FOXK1: variants seen among roughly 807,000 people sequenced by gnomAD.
The protein encoded by FOXK1 is forkhead box K1.
A neutral mutation model predicts 51.9 loss-of-function variants in FOXK1; 19 were observed. The ratio of observed to expected loss-of-function variants is 0.37; its 90% CI spans 0.26 to 0.54. FOXK1 has a LOEUF of 0.54. FOXK1 is among the 20% of genes least tolerant of loss of function. The pLI, the probability that FOXK1 is intolerant of heterozygous loss-of-function variation, is 0.87. For missense variants in FOXK1, 870 were observed against 1,032.7 expected (o/e 0.84, Z 2.16); for synonymous variants, 537 against 482.6 (o/e 1.11, Z -1.48).
At chr7:4,727,966 G>C (rs1780401950) in intron 1 of FOXK1, among the ~76,000 whole-genome samples, 1 of 152,196 alleles carries the variant, frequency 6.6e-6, no homozygotes, top group African/African-American at 2.4e-5. Context: ...TTGCCGATTG[G>C]ACTGGCATTG....
At chr7:4,691,710 G>A (rs977989115) in intron 1 of FOXK1, among the ~76,000 whole-genome samples, 16 of 152,240 alleles carry the variant, frequency 1.1e-4, no homozygotes, top group African/African-American at 3.6e-4. Flanking sequence ...GCTGGGAAAG[G>A]GGTGAACTGT....
rs1163747411 is a variant in FOXK1, at chr7:4,755,278, G to A, written c.945G>A (p.Val315=). 6 of 1,613,956 alleles carry A rather than the reference G, an allele frequency of 3.7e-6. No homozygotes were observed. Among genetic ancestry groups the A allele is most frequent in the Admixed American group, 1.7e-5 (1 of 59,994 alleles). The change falls in exon 4 of 9, where the codon GTG becomes GTA. Residue 315 remains valine (V), a synonymous_variant. Coordinates refer to ENST00000328914, the MANE Select transcript of FOXK1 (RefSeq NM_001037165.2). The surrounding 1 kb of genome is among the most constrained non-coding windows in gnomAD (Gnocchi z 6.6). The part of the protein sequence containing the change: ...KPPFSYAQLI[V]QAISSAQDRQ... ...CGTTCTCCTACGCGCAGCTGATCGT[G>A]CAGGCCATCTCCTCCGCCCAGGACC... is the stretch of plus-strand genomic sequence containing the variant.
chr7:4,762,243 G>T lies in FOXK1; in HGVS notation c.1981G>T (p.Val661Phe). ...AGCGAGTTCATCCGCGCCGGTGGTG[G>T]TCACCCGGGTGTGCGAGGTGGGGCC... The part of the protein sequence containing the change: ...TQASSSAPVV[V>F]TRVCEVGPKE... Residue 661 changes from valine (V) to phenylalanine (F), a missense_variant, in exon 9 of 9, where the codon GTC (valine) becomes TTC (phenylalanine). By Grantham distance (50) the Val-to-Phe change is conservative. Around this residue, in one of 3 missense-constraint regions of FOXK1, gnomAD observed 457 missense variants for 510.8 expected, o/e 0.89. Coordinates refer to ENST00000328914, the MANE Select transcript of FOXK1 (RefSeq NM_001037165.2). The surrounding 1 kb of genome is among the most constrained non-coding windows in gnomAD (Gnocchi z 5.7). 5.8e-6 allele frequency: 9 copies of T among 1,552,936 alleles called. No individual in the cohort carries two copies. Among genetic ancestry groups the T allele is most frequent in the Non-Finnish European group, 7.8e-6 (9 of 1,147,756 alleles).
At chr7:4,701,663 C>T (rs1306552503) in intron 1 of FOXK1, among the ~76,000 whole-genome samples, 2 of 152,116 alleles carry the variant, frequency 1.3e-5, no homozygotes, top group Non-Finnish European at 1.5e-5. Flanking sequence ...GAGGTCGAGG[C>T]GGGCGGATTA....
At chr7:4,699,376 G>GTTTTT (rs367704367) in intron 1 of FOXK1, among the ~76,000 whole-genome samples, 1 of 136,176 alleles carries the variant, frequency 7.3e-6, no homozygotes, top group Non-Finnish European at 1.6e-5. Context: ...ACAGGGTTAG[G>GTTTTT]TTTTTTTTTT....
chr7:4,725,525 G>A (rs771516409), intron 1 of FOXK1, among the ~76,000 whole-genome samples: 4 of 152,262 alleles, frequency 2.6e-5, no homozygotes, highest in Admixed American at 1.3e-4. Flanking sequence ...TCGCTCCGCA[G>A]GAGTGAGAAG....
intron 1 of FOXK1, among the ~76,000 whole-genome samples, chr7:4,690,984 A>G (rs1028901527): frequency 2.0e-5 from 3 of 152,226 alleles, no homozygotes; most frequent in African/African-American, 7.2e-5. Flanking sequence ...AGGCCCCTGC[A>G]TCGTGACTTG....
intron 7 of FOXK1, among the ~76,000 whole-genome samples, chr7:4,760,192 G>A (rs1780913120): frequency 6.6e-6 from 1 of 152,220 alleles, no homozygotes; most frequent in African/African-American, 2.4e-5. Flanking sequence ...GAGAAAGAAT[G>A]AGCCTGGGAA....
At chr7:4,692,047 C>G (rs948697312) in intron 1 of FOXK1, among the ~76,000 whole-genome samples, 9 of 152,072 alleles carry the variant, frequency 5.9e-5, no homozygotes, top group African/African-American at 9.7e-5. Flanking sequence ...TTGACACTGA[C>G]CGTATTAGAA....
At chr7:4,696,164 T>C (rs1474192575) in intron 1 of FOXK1, among the ~76,000 whole-genome samples, 2 of 149,742 alleles carry the variant, frequency 1.3e-5, no homozygotes, top group African/African-American at 4.9e-5. Flanking sequence ...ACCCCTGACA[T>C]ACATTAGGAG....
Position 4,712,992 on chromosome 7 carries a change from C to T in FOXK1, c.561-27846C>T, listed in dbSNP as rs534368839. Among the ~76,000 whole-genome samples the T allele has an allele frequency of 2.1e-4, 32 of 152,238 alleles. 1 individual carries two copies. Among genetic ancestry groups the T allele is most frequent in the African/African-American group, 6.5e-4 (27 of 41,538 alleles). ...ATTTTTAAAATACATTAAAGAGGGG[C>T]GATAATGACCAGTGCCAGCAAAGGG... On this transcript the variant is annotated intron_variant, in intron 1 of 8. Coordinates refer to ENST00000328914, the MANE Select transcript of FOXK1 (RefSeq NM_001037165.2).
rs936147185 is a variant in FOXK1, at chr7:4,709,341, G to T, written c.560+26473G>T. Among the ~76,000 whole-genome samples, 1 of 152,206 alleles carries T rather than the reference G, an allele frequency of 6.6e-6. No homozygotes were observed. The highest frequency in any genetic ancestry group is 1.5e-5 in the Non-Finnish European group (1 of 68,042). On this transcript the variant is annotated intron_variant, in intron 1 of 8. Transcript: ENST00000328914. This position sits in a 1 kb window ranked among gnomAD's most constrained non-coding sequence, Gnocchi z 5.6. ...GGCCGCCTACTGTGCCTCCTTCCCA[G>T]TGTCACGTTGCTGCGTCCACGAGCC...
chr7:4,720,277 G>GT (rs1780292153), intron 1 of FOXK1, among the ~76,000 whole-genome samples: 1 of 151,802 alleles, frequency 6.6e-6, no homozygotes, highest in Non-Finnish European at 1.5e-5. Flanking sequence ...TTCTTTGAGG[G>GT]TTTTTTGCCT....
At position 4,753,265 on chromosome 7, in the gene FOXK1, G is replaced by T. The variant is rs1036271847; in HGVS notation, c.747-1194G>T. Among the ~76,000 whole-genome samples the T allele has an allele frequency of 6.6e-6, 1 of 152,110 alleles. No individual in the cohort carries two copies. The highest frequency in any genetic ancestry group is 1.5e-5 in the Non-Finnish European group (1 of 68,034). Reference sequence around the variant, plus strand: ...GCTCCATCCAAAAAATGTTTCTTGAGCCCCGCCTGCACCCAAGGGGGCTCC... The same window carrying T: ...GCTCCATCCAAAAAATGTTTCTTGATCCCCGCCTGCACCCAAGGGGGCTCC... On this transcript the variant is annotated intron_variant, in intron 2 of 8. Coordinates refer to ENST00000328914, the MANE Select transcript of FOXK1 (RefSeq NM_001037165.2). This position sits in a 1 kb window ranked among gnomAD's most constrained non-coding sequence, Gnocchi z 4.9.
At chr7:4,708,105 C>A (rs1367478377) in intron 1 of FOXK1, among the ~76,000 whole-genome samples, 2 of 152,088 alleles carry the variant, frequency 1.3e-5, no homozygotes, top group Non-Finnish European at 2.9e-5. Context: ...CTTTTCCCAG[C>A]CTGGAACCCG....
At position 4,707,844 on chromosome 7, in the gene FOXK1, C is replaced by T. The variant is rs1182288490; in HGVS notation, c.560+24976C>T. ...GGATGATAGGGCCCGCCACCGTGTC[C>T]GGCTAATTTTTGTATTTTTAGTAGA... On this transcript the variant is annotated intron_variant, in intron 1 of 8. Coordinates refer to ENST00000328914, the MANE Select transcript of FOXK1 (RefSeq NM_001037165.2). The surrounding 1 kb of genome is among the most constrained non-coding windows in gnomAD (Gnocchi z 4.1). Among the ~76,000 whole-genome samples the T allele has an allele frequency of 2.0e-5, 3 of 151,976 alleles. No individual in the cohort carries two copies. Among genetic ancestry groups the T allele is most frequent in the South Asian group, 4.1e-4 (2 of 4,820 alleles).
chr7:4,751,363 G>A (rs905223171), intron 2 of FOXK1, among the ~76,000 whole-genome samples: 1 of 152,018 alleles, frequency 6.6e-6, no homozygotes, highest in African/African-American at 2.4e-5. Flanking sequence ...TCTTTAGATT[G>A]CTAAGGGAAT....
At chr7:4,686,936 TC>T (rs68141910) in intron 1 of FOXK1, among the ~76,000 whole-genome samples, 15,246 of 147,758 alleles carry the variant, frequency 0.1, 1,591 homozygotes, top group African/African-American at 0.25. Flanking sequence ...TTTTTTCTTT[TC>T]TTTTTTTTTT....
At chr7:4,754,099 G>A (rs1427428154) in intron 2 of FOXK1, among the ~76,000 whole-genome samples, 2 of 152,168 alleles carry the variant, frequency 1.3e-5, no homozygotes, top group East Asian at 1.9e-4. Flanking sequence ...AGCAGCCCGC[G>A]GAGGCTACCT....
Sources: allele counts gnomAD v4.1 joint callset (sites outside exome capture counted in the v4.1 genomes callset), GRCh38; gene constraint gnomAD v4.1.1; regional missense constraint gnomAD v4.1.1; non-coding constraint Gnocchi (gnomAD v3.1); transcripts MANE v1.5; gene names NCBI Gene and HGNC (gene_info 2026-07-23, HGNC 2026-07-21).